ADCY1: variants seen among roughly 807,000 people sequenced by gnomAD.
ADCY1 encodes adenylate cyclase type 1.
A neutral mutation model predicts 105.4 loss-of-function variants in ADCY1; 28 were observed. The observed-to-expected ratio is 0.27, with a 90% CI of 0.20 to 0.36. The LOEUF is 0.36. Among genes scored for constraint, ADCY1 ranks in the 10% least tolerant of loss-of-function variants. The pLI is 1.00. For synonymous variants in ADCY1, 655 were observed against 623.8 expected, an observed-to-expected ratio of 1.05 and a Z score of -0.75; for missense variants, 977 against 1,434.2, an observed-to-expected ratio of 0.68 and a Z score of 5.15.
chr7:45,667,604 C>T (rs1346054135), intron 8 of ADCY1, among the ~76,000 whole-genome samples: 6 of 152,096 alleles, frequency 3.9e-5, no homozygotes, highest in Admixed American at 6.5e-5. Flanking sequence ...ATTGACTTGG[C>T]GATGTGGGCT....
chr7:45,716,939 G>C lies in ADCY1; in HGVS notation c.*2944G>C, dbSNP rs551447360. The C allele has an allele frequency of 4.6e-5, 7 of 152,510 alleles. No homozygotes were observed. The highest frequency in any genetic ancestry group is 1.7e-4 in the African/African-American group (7 of 41,566). The allele number at this position is 152,510 out of a possible 1,614,324, so 9.4% of individuals were successfully genotyped here. ...CCAGAGGCCACTCCACAACCCCAGC[G>C]CCAGTCAGCAAGGAAGCCGGGTGTC... On this transcript the variant is annotated 3_prime_UTR_variant, in exon 20 of 20. Coordinates refer to ENST00000297323, the MANE Select transcript of ADCY1 (RefSeq NM_021116.4).
At chr7:45,653,571 G>T (rs1177695497) in intron 5 of ADCY1, among the ~76,000 whole-genome samples, 1 of 152,230 alleles carries the variant, frequency 6.6e-6, no homozygotes, top group Non-Finnish European at 1.5e-5. Context: ...TGGAAGTCAT[G>T]TGTGACACTC....
At chr7:45,584,740 AT>A (rs1792667120) in intron 1 of ADCY1, among the ~76,000 whole-genome samples, 1 of 152,116 alleles carries the variant, frequency 6.6e-6, no homozygotes, top group Non-Finnish European at 1.5e-5. Flanking sequence ...TAGGCTTTCC[AT>A]GTGAAGCATC....
chr7:45,575,879 G>C lies in ADCY1; in HGVS notation c.639+697G>C, dbSNP rs369341105. ...AGTCGGGCGGGCGAGATGGTTGCAA[G>C]GACGGGGACGCTGTCTGCCTCCCGC... On this transcript the variant is annotated intron_variant, in intron 1 of 19. Transcript: ENST00000297323. This position sits in a 1 kb window ranked among gnomAD's most constrained non-coding sequence, Gnocchi z 4.7. Among the ~76,000 whole-genome samples the C allele has an allele frequency of 9.2e-5, 14 of 152,384 alleles. No individual in the cohort carries two copies. The highest frequency in any genetic ancestry group is 3.1e-4 in the African/African-American group (13 of 41,594).
At chr7:45,593,285 T>C (rs373662258) in intron 2 of ADCY1, among the ~76,000 whole-genome samples, 3 of 152,192 alleles carry the variant, frequency 2.0e-5, no homozygotes, top group African/African-American at 7.2e-5. Context: ...TTCCACCAGC[T>C]CTGCCCTTGG....
At chr7:45,705,773 A>G (rs903993666) in intron 17 of ADCY1, among the ~76,000 whole-genome samples, 3 of 152,218 alleles carry the variant, frequency 2.0e-5, no homozygotes, top group African/African-American at 7.2e-5. Flanking sequence ...TGCAGATGAC[A>G]TGACTATACG....
At chr7:45,690,546 A>C (rs540120685) in intron 14 of ADCY1, among the ~76,000 whole-genome samples, 2 of 152,326 alleles carry the variant, frequency 1.3e-5, no homozygotes, top group South Asian at 4.2e-4. Context: ...ACCTGGCCGG[A>C]AGTAGGAGGC....
rs1751420225 is a variant in ADCY1, at chr7:45,686,446, C to CA, written c.2328-100dup. 1 of 1,504,730 alleles carries CA rather than the reference C, an allele frequency of 6.6e-7. No individual in the cohort carries two copies. The highest frequency in any genetic ancestry group is 2.2e-5 in the Admixed American group (1 of 46,224). The allele number at this position is 1,504,730 out of a possible 1,614,324, so 93.2% of individuals were successfully genotyped here. A position where few individuals can be genotyped will look rare whatever the true frequency, so the allele number is the denominator to read the frequency against. ...ATCCCAGCAAGCTGTTTTTGGGTGTCACCACCTGAGGGTCACTCTGAACAG... is the reference window on the plus strand; with the variant it reads ...ATCCCAGCAAGCTGTTTTTGGGTGTCAACCACCTGAGGGTCACTCTGAACAG... On this transcript the variant is annotated intron_variant, in intron 13 of 19. Transcript: ENST00000297323. The surrounding 1 kb of genome is among the most constrained non-coding windows in gnomAD (Gnocchi z 4.3).
intron 2 of ADCY1, among the ~76,000 whole-genome samples, chr7:45,608,657 A>G (rs1793445873): frequency 6.6e-6 from 1 of 152,172 alleles, no homozygotes; most frequent in African/African-American, 2.4e-5. Flanking sequence ...CCTTCCTGGG[A>G]TCAGCATTTG....
intron 8 of ADCY1, among the ~76,000 whole-genome samples, chr7:45,673,287 G>A (rs1323795825): frequency 6.6e-6 from 1 of 152,010 alleles, no homozygotes; most frequent in Non-Finnish European, 1.5e-5. Flanking sequence ...GGGTAATACT[G>A]ACTTTGTAAA....
At chr7:45,580,759 A>G (rs1792510170) in intron 1 of ADCY1, among the ~76,000 whole-genome samples, 1 of 152,198 alleles carries the variant, frequency 6.6e-6, no homozygotes, top group Admixed American at 6.5e-5. Context: ...CTTTCTCCCA[A>G]GAGCAGTGCT....
At chr7:45,657,919 G>GGGC in intron 6 of ADCY1, 34 bp downstream of exon 6, 5 of 1,470,498 alleles carry the variant, frequency 3.4e-6, no homozygotes, top group African/African-American at 1.4e-5. Flanking sequence ...GGGGAGGGAG[G>GGGC]TGGGTGATGG....
chr7:45,687,735 G>T lies in ADCY1; in HGVS notation c.2454+1062G>T, dbSNP rs527978635. On this transcript the variant is annotated intron_variant, in intron 14 of 19. Coordinates refer to ENST00000297323, the MANE Select transcript of ADCY1 (RefSeq NM_021116.4). The stretch of plus-strand genomic sequence containing the variant: ...GCTGGGATTACAGACAAGAACACAG[G>T]GGCCACTAAAGTAACATGCCAGAGT... Among the ~76,000 whole-genome samples the T allele has an allele frequency of 2.0e-5, 3 of 152,314 alleles. No individual in the cohort carries two copies. The East Asian group carries it at 5.8e-4, about 29-fold the overall frequency.
chr7:45,657,522 C>T (rs1263988120), intron 5 of ADCY1, among the ~76,000 whole-genome samples: 3 of 152,252 alleles, frequency 2.0e-5, no homozygotes, highest in Non-Finnish European at 4.4e-5. Context: ...AGAGCCACCC[C>T]TCCTGCCTAA....
chr7:45,576,893 G>A (rs1214887731), intron 1 of ADCY1, among the ~76,000 whole-genome samples: 2 of 152,146 alleles, frequency 1.3e-5, no homozygotes, highest in African/African-American at 4.8e-5. Context: ...GAGTCAGCTG[G>A]TGTAATAAAA....
intron 2 of ADCY1, among the ~76,000 whole-genome samples, chr7:45,606,147 G>A (rs1454556781): frequency 6.6e-6 from 1 of 152,104 alleles, no homozygotes; most frequent in Admixed American, 6.5e-5. Flanking sequence ...GCTTGGGGGA[G>A]GAGAATGAGA....
chr7:45,677,612 A>G (rs1157954848), intron 8 of ADCY1, among the ~76,000 whole-genome samples: 1 of 152,146 alleles, frequency 6.6e-6, no homozygotes, highest in Non-Finnish European at 1.5e-5. Flanking sequence ...AACGTGTTTA[A>G]TCACCTAATC....
At chr7:45,668,602 G>C (rs556793164) in intron 8 of ADCY1, among the ~76,000 whole-genome samples, 9 of 152,070 alleles carry the variant, frequency 5.9e-5, no homozygotes, top group African/African-American at 1.7e-4. Context: ...TTTTTTTGTT[G>C]TGTCTTTGCC....
chr7:45,656,853 C>T (rs1183742860), intron 5 of ADCY1, among the ~76,000 whole-genome samples: 2 of 152,170 alleles, frequency 1.3e-5, no homozygotes, highest in Non-Finnish European at 2.9e-5. Context: ...ATTTCCATCC[C>T]GGATGGAATA....
Sources: gnomAD v4.1 joint callset for allele counts (sites outside exome capture counted in the v4.1 genomes callset) on GRCh38, gnomAD v4.1.1 for gene constraint, Gnocchi (gnomAD v3.1) non-coding constraint, MANE v1.5 for transcripts, NCBI Gene and HGNC (gene_info 2026-07-23, HGNC 2026-07-21) for gene names.